The following RDH10 variants were observed in gnomAD, a reference collection of about 807,000 sequenced individuals.
The protein encoded by RDH10 is retinol dehydrogenase 10.
Under a neutral mutation model 30.2 loss-of-function variants are expected in RDH10, and 12 were observed. The ratio of observed to expected loss-of-function variants is 0.40; its 90% CI spans 0.25 to 0.64. RDH10 has a LOEUF of 0.64. RDH10 is among the 30% of genes least tolerant of loss of function. The pLI is 0.43. For missense variants in RDH10, 268 were observed against 445.2 expected (o/e 0.60, Z 3.58); for synonymous variants, 189 against 172.2 (o/e 1.10, Z -0.76).
At chr8:73,317,623 A>G (rs1490978074) in intron 2 of RDH10, among the ~76,000 whole-genome samples, 1 of 152,166 alleles carries the variant, frequency 6.6e-6, no homozygotes, top group South Asian at 2.1e-4. Context: ...CACAAAAATT[A>G]TAACAAATTA....
At chr8:73,307,199 T>A (rs1482461851) in intron 2 of RDH10, among the ~76,000 whole-genome samples, 1 of 152,170 alleles carries the variant, frequency 6.6e-6, no homozygotes, top group East Asian at 1.9e-4. Context: ...AGAAAGGTGG[T>A]GGTGTTGGAA....
At chr8:73,316,751 G>A (rs1192578133) in intron 2 of RDH10, among the ~76,000 whole-genome samples, 1 of 152,170 alleles carries the variant, frequency 6.6e-6, no homozygotes, top group African/African-American at 2.4e-5. Context: ...GACTCAGGGA[G>A]CTTTCAGTCA....
intron 2 of RDH10, chr8:73,315,627 G>T (rs370999025): frequency 8.8e-6 from 4 of 454,936 alleles, no homozygotes; most frequent in South Asian, 4.7e-5. Flanking sequence ...ACCAGAGCAC[G>T]TGAATACAGG....
intron 2 of RDH10, among the ~76,000 whole-genome samples, chr8:73,303,959 T>TA (rs1160617406): frequency 2.0e-5 from 3 of 152,216 alleles, no homozygotes; most frequent in African/African-American, 7.2e-5. Flanking sequence ...CTCAGTTGTT[T>TA]AAAAAATAAC....
At chr8:73,305,666 C>CA (rs201520606) in intron 2 of RDH10, among the ~76,000 whole-genome samples, 2,370 of 152,230 alleles carry the variant, frequency 0.016, 33 homozygotes, top group African/African-American at 0.038. Context: ...CCTAAATACC[C>CA]AGGATGTTTT....
intron 2 of RDH10, among the ~76,000 whole-genome samples, chr8:73,310,015 G>A (rs540830500): frequency 4.6e-5 from 7 of 152,242 alleles, no homozygotes; most frequent in East Asian, 1.9e-4. Context: ...CCTGAGGGAC[G>A]TTGCCTCCTG....
intron 2 of RDH10, among the ~76,000 whole-genome samples, chr8:73,308,828 G>A (rs1056656561): frequency 1.3e-5 from 2 of 152,188 alleles, no homozygotes; most frequent in East Asian, 1.9e-4. Flanking sequence ...TATATTGCCT[G>A]TTTCACTGAA....
At chr8:73,299,860 A>G (rs1452466488) in intron 2 of RDH10, among the ~76,000 whole-genome samples, 1 of 152,386 alleles carries the variant, frequency 6.6e-6, no homozygotes, top group East Asian at 1.9e-4. Flanking sequence ...GAAAATTCAT[A>G]GCCTTAGCTT....
chr8:73,305,494 T>G (rs908976104), intron 2 of RDH10, among the ~76,000 whole-genome samples: 2 of 152,218 alleles, frequency 1.3e-5, no homozygotes, highest in Admixed American at 1.3e-4. Flanking sequence ...TCAATTATGG[T>G]AAGTAGTCTA....
chr8:73,305,814 C>CA (rs1424754033), intron 2 of RDH10, among the ~76,000 whole-genome samples: 2 of 152,170 alleles, frequency 1.3e-5, no homozygotes, highest in African/African-American at 2.4e-5. Context: ...TGGAGTATGA[C>CA]AAAATCTAAT....
At chr8:73,319,070 A>G (rs368636509) in intron 2 of RDH10, 26 bp from the exon 3 acceptor site, 13 of 1,507,710 alleles carry the variant, frequency 8.6e-6, no homozygotes, top group Admixed American at 1.7e-5. Flanking sequence ...AATCAGTTCT[A>G]AAACTTGAAT....
intron 2 of RDH10, among the ~76,000 whole-genome samples, chr8:73,309,379 T>A (rs912572474): frequency 6.6e-6 from 1 of 152,210 alleles, no homozygotes. Flanking sequence ...GTTCTCATAA[T>A]TTAGTAATGA....
intron 2 of RDH10, among the ~76,000 whole-genome samples, chr8:73,305,865 A>G (rs1257147407): frequency 6.6e-6 from 1 of 152,214 alleles, no homozygotes; most frequent in African/African-American, 2.4e-5. Context: ...CCTCAGCTGA[A>G]TGGGTTAAGT....
At chr8:73,315,662 T>C (rs1288733275) in intron 2 of RDH10, 1 of 447,660 alleles carries the variant, frequency 2.2e-6, no homozygotes, top group African/African-American at 2.0e-5. Context: ...CAACCTGCTA[T>C]GGTGTCTGAG....
At chr8:73,315,831 CAGAA>C (rs1248190377) in intron 2 of RDH10, among the ~76,000 whole-genome samples, 1 of 152,178 alleles carries the variant, frequency 6.6e-6, no homozygotes, top group Non-Finnish European at 1.5e-5. Flanking sequence ...AACTTTTATA[CAGAA>C]AGATAACTAA....
rs749230554 is a variant in RDH10, at chr8:73,295,307, G to T, written c.18G>T (p.Glu6Asp). 1 of 1,565,962 alleles carries T rather than the reference G, an allele frequency of 6.4e-7. No homozygotes were observed. Among genetic ancestry groups the T allele is most frequent in the Non-Finnish European group, 8.6e-7 (1 of 1,157,822 alleles). MNIVV[E>D]FFVVTFKVLW... ...GCGTCGCGATGAACATCGTGGTGGA[G>T]TTCTTCGTGGTCACTTTCAAAGTGC... Residue 6 changes from glutamate (E) to aspartate (D), a missense_variant, in exon 1 of 6, where the codon GAG (glutamate) becomes GAT (aspartate). This residue lies in a region of RDH10 where 44 missense variants were observed against 42.1 expected (regional missense o/e 1.04). Transcript: ENST00000240285.
chr8:73,315,395 T>C (rs1814644907), intron 2 of RDH10: 1 of 246,972 alleles, frequency 4.0e-6, no homozygotes, highest in Admixed American at 4.5e-5. Context: ...TTTTTTAGAA[T>C]ATGCAGCCAT....
intron 1 of RDH10, chr8:73,295,782 G>A (rs900535722): frequency 3.0e-6 from 3 of 1,001,288 alleles, no homozygotes; most frequent in African/African-American, 3.4e-5. Context: ...AAGGTGCCCT[G>A]TCCTCGCGGA....
intron 2 of RDH10, chr8:73,300,532 T>A (rs868598948): frequency 6.6e-6 from 1 of 152,228 alleles, no homozygotes; most frequent in African/African-American, 2.4e-5. Context: ...AAAGAACTGT[T>A]CAGTCATTTG....
Sources: allele counts gnomAD v4.1 joint callset (sites outside exome capture counted in the v4.1 genomes callset), GRCh38; gene constraint gnomAD v4.1.1; regional missense constraint gnomAD v4.1.1; transcripts MANE v1.5; gene names NCBI Gene and HGNC (gene_info 2026-07-23, HGNC 2026-07-21).